The following CNOT4 variants were observed in gnomAD, a reference collection of about 807,000 sequenced individuals.
CNOT4 encodes CCR4-associated factor 4.
In CNOT4, 8 loss-of-function variants were observed where a neutral mutation model predicts 73.8. The ratio of observed to expected loss-of-function variants is 0.11; its 90% confidence interval spans 0.06 to 0.20. The LOEUF (loss-of-function observed/expected upper bound fraction) is 0.20, where lower values mean the gene tolerates loss of function less well. Ranked by LOEUF, CNOT4 falls within the 10% of genes least tolerant of loss-of-function variation. The probability of loss-of-function intolerance (pLI) is 1.00; values close to 1 mark genes in which losing one functional copy is unlikely to be tolerated. For synonymous variants in CNOT4, 293 were observed against 321.1 expected, an observed-to-expected ratio of 0.91 and a Z score of 0.94; for missense variants, 564 against 883.4, an observed-to-expected ratio of 0.64 and a Z score of 4.58.
At chr7:135,449,325 G>A (rs1563057175) in intron 1 of CNOT4, among the ~76,000 whole-genome samples, 1 of 152,130 alleles carries the variant, frequency 6.6e-6, no homozygotes, top group African/African-American at 2.4e-5. Flanking sequence ...AGTCTACAAA[G>A]ACATCTACTT....
At chr7:135,404,715 A>C (rs1461587508) in intron 7 of CNOT4, among the ~76,000 whole-genome samples, 1 of 152,206 alleles carries the variant, frequency 6.6e-6, no homozygotes, top group Non-Finnish European at 1.5e-5. Context: ...GTAAGGATAT[A>C]GCTGTATTTT....
chr7:135,391,369 G>C (rs976470601), intron 10 of CNOT4, among the ~76,000 whole-genome samples: 1 of 151,904 alleles, frequency 6.6e-6, no homozygotes, highest in African/African-American at 2.4e-5. Context: ...AGTCATCAGA[G>C]CCTTAAAAAT....
intron 2 of CNOT4, among the ~76,000 whole-genome samples, chr7:135,425,168 G>GA (rs1798421496): frequency 6.6e-6 from 1 of 152,132 alleles, no homozygotes; most frequent in East Asian, 1.9e-4. Flanking sequence ...AGAAAGAAAA[G>GA]AAAAAATCTG....
chr7:135,461,437 G>A (rs1316040200), intron 1 of CNOT4, among the ~76,000 whole-genome samples: 8 of 152,020 alleles, frequency 5.3e-5, no homozygotes, highest in Non-Finnish European at 1.2e-4. Flanking sequence ...ACCCAGCTGT[G>A]GCTACATAAT....
At chr7:135,450,634 G>A (rs1226365676) in intron 1 of CNOT4, among the ~76,000 whole-genome samples, 5 of 152,184 alleles carry the variant, frequency 3.3e-5, no homozygotes, top group Admixed American at 2.0e-4. Context: ...GATTACAGGC[G>A]TGAGCCGCTG....
chr7:135,398,635 C>G (rs1401995489), intron 7 of CNOT4, among the ~76,000 whole-genome samples: 4 of 151,984 alleles, frequency 2.6e-5, no homozygotes, highest in Admixed American at 2.6e-4. Context: ...GATACTCAAC[C>G]TGTATAAAAT....
At chr7:135,384,863 A>G (rs1796044337) in intron 10 of CNOT4, 5 of 656,498 alleles carry the variant, frequency 7.6e-6, no homozygotes, top group Non-Finnish European at 1.4e-5. Flanking sequence ...GTAGTCAATG[A>G]TTGCTGCATA....
intron 1 of CNOT4, among the ~76,000 whole-genome samples, chr7:135,442,647 A>C (rs989502181): frequency 6.6e-6 from 1 of 152,220 alleles, no homozygotes; most frequent in Admixed American, 6.5e-5. Flanking sequence ...TCAAATAATA[A>C]GATTTAAAAT....
intron 2 of CNOT4, among the ~76,000 whole-genome samples, chr7:135,434,955 G>A (rs1030932891): frequency 6.6e-6 from 1 of 152,132 alleles, no homozygotes; most frequent in African/African-American, 2.4e-5. Context: ...CTTTGCATGT[G>A]TGAAAATGTT....
intron 1 of CNOT4, among the ~76,000 whole-genome samples, chr7:135,486,562 T>C (rs1802734787): frequency 1.3e-5 from 2 of 152,340 alleles, no homozygotes; most frequent in Non-Finnish European, 2.9e-5. Context: ...GGCGTTTATC[T>C]GAGAGAAATA....
intron 1 of CNOT4, among the ~76,000 whole-genome samples, chr7:135,505,293 A>G (rs1804289166): frequency 2.6e-5 from 4 of 152,116 alleles, no homozygotes; most frequent in East Asian, 1.9e-4. Flanking sequence ...AGTGGCTCAC[A>G]CCTGTAATCC....
intron 2 of CNOT4, among the ~76,000 whole-genome samples, chr7:135,432,556 AT>A (rs1314768898): frequency 6.6e-6 from 1 of 152,046 alleles, no homozygotes; most frequent in African/African-American, 2.4e-5. Flanking sequence ...CAGTTCTCTG[AT>A]GTGTTGCATT....
At chr7:135,446,502 T>C (rs527403355) in intron 1 of CNOT4, among the ~76,000 whole-genome samples, 4 of 152,366 alleles carry the variant, frequency 2.6e-5, no homozygotes, top group African/African-American at 4.8e-5. Flanking sequence ...ACAGTACTTT[T>C]ATAAAATTTT....
rs1563078367 is a variant in CNOT4 at position 135,486,754 on chromosome 7, AACTCAGAAATT to A, written c.-93+23124_-93+23134del. ...AGAGTTAATATACACAACACAGATGAACTCAGAAATTGTTCTTTTGGGGCACATAAGAATAG... is the reference window on the plus strand; with the variant it reads ...AGAGTTAATATACACAACACAGATGAGTTCTTTTGGGGCACATAAGAATAG... On this transcript the variant is annotated intron_variant, in intron 1 of 11. Transcript: ENST00000541284. 3.3e-5 allele frequency among the ~76,000 whole-genome samples: 5 copies of A among 152,304 alleles called. No homozygotes were observed. In the East Asian group the frequency reaches 9.6e-4, roughly 29 times the overall value.
chr7:135,478,708 ATCAATTAATCAATAAAG>A (rs1311701841), intron 1 of CNOT4, among the ~76,000 whole-genome samples: 1 of 152,150 alleles, frequency 6.6e-6, no homozygotes, highest in Non-Finnish European at 1.5e-5. Flanking sequence ...GTCTGAATCA[ATCAATTAATCAATAAAG>A]TCAACCAAAT....
intron 1 of CNOT4, among the ~76,000 whole-genome samples, chr7:135,455,885 A>G (rs914199499): frequency 6.6e-6 from 1 of 152,282 alleles, no homozygotes; most frequent in South Asian, 2.1e-4. Context: ...AACAAACAAA[A>G]AAGACTAAAA....
rs17168439 is a variant in CNOT4, at chr7:135,462,874, T to C, written c.-92-24451A>G. On this transcript the variant is annotated intron_variant, in intron 1 of 11. Transcript: ENST00000541284. ...CTCTAAAAATGTAAAATGATTACAG[T>C]AAACCTCTTGCAGTTAAGCAACGGA... is the stretch of plus-strand genomic sequence containing the variant. Among the ~76,000 whole-genome samples, 946 of 152,342 alleles carry C rather than the reference T, an allele frequency of 6.2e-3. 32 individuals are homozygous for C. The East Asian group carries it at 0.094, about 15-fold the overall frequency.
intron 1 of CNOT4, among the ~76,000 whole-genome samples, chr7:135,505,297 G>A (rs1804290190): frequency 6.6e-6 from 1 of 152,152 alleles, no homozygotes; most frequent in Non-Finnish European, 1.5e-5. Flanking sequence ...GCTCACACCT[G>A]TAATCCCAGC....
At chr7:135,383,065 T>C (rs1795935322) in intron 10 of CNOT4, among the ~76,000 whole-genome samples, 1 of 152,210 alleles carries the variant, frequency 6.6e-6, no homozygotes, top group Admixed American at 6.5e-5. Context: ...TGGGGGAAAT[T>C]ATCAAAATAT....
Sources: allele counts gnomAD v4.1 joint callset (sites outside exome capture counted in the v4.1 genomes callset), GRCh38; gene constraint gnomAD v4.1.1; transcripts MANE v1.5; gene names NCBI Gene and HGNC (gene_info 2026-07-23, HGNC 2026-07-21).